Variants in RERE observed in about 807,000 individuals in gnomAD.
RERE encodes the protein arginine-glutamic acid dipeptide repeats protein.
A neutral mutation model predicts 146.1 loss-of-function variants in RERE; 40 were observed. The ratio of observed to expected loss-of-function variants is 0.27; its 90% CI spans 0.21 to 0.36. The LOEUF is 0.36. Ranked by LOEUF, RERE falls within the 10% of genes least tolerant of loss-of-function variation. The probability of loss-of-function intolerance (pLI) is 1.00; values close to 1 mark genes in which losing one functional copy is unlikely to be tolerated. For synonymous variants in RERE, 1,003 were observed against 866.0 expected, an observed-to-expected ratio of 1.16 and a Z score of -2.78; for missense variants, 1,933 against 2,138.7, an observed-to-expected ratio of 0.90 and a Z score of 1.90.
chr1:8,744,517 G>A (rs1351376820), intron 1 of RERE, among the ~76,000 whole-genome samples: 1 of 152,176 alleles, frequency 6.6e-6, no homozygotes, highest in Non-Finnish European at 1.5e-5. Flanking sequence ...CAATGTAACT[G>A]ATGGGTACAT....
chr1:8,355,250 C>G (rs2124351945), intron 22 of RERE, 130 bp from the exon 23 acceptor site: 1 of 1,168,734 alleles, frequency 8.6e-7, no homozygotes, highest in African/African-American at 1.5e-5. Flanking sequence ...TGTAGCTGAC[C>G]TACCCTCCCA....
intron 4 of RERE, among the ~76,000 whole-genome samples, chr1:8,561,852 C>A (rs1451699554): frequency 6.6e-6 from 1 of 152,196 alleles, no homozygotes; most frequent in Non-Finnish European, 1.5e-5. Context: ...CTACTACTCA[C>A]TAGTTGAAGA....
At chr1:8,383,721 TG>T in intron 12 of RERE, among the ~76,000 whole-genome samples, 1 of 152,104 alleles carries the variant, frequency 6.6e-6, no homozygotes, top group African/African-American at 2.4e-5. Context: ...TAGCCGGGTG[TG>T]GTGGCACGCA....
chr1:8,630,027 G>A (rs1463287054), intron 2 of RERE, among the ~76,000 whole-genome samples: 2 of 152,132 alleles, frequency 1.3e-5, no homozygotes, highest in African/African-American at 4.8e-5. Context: ...TCCTCTACAT[G>A]ACTCCTCCAC....
At chr1:8,812,911 A>T (rs1386841468) in intron 1 of RERE, among the ~76,000 whole-genome samples, 3 of 152,130 alleles carry the variant, frequency 2.0e-5, no homozygotes, top group African/African-American at 7.2e-5. Context: ...GTTCTAACAC[A>T]TATTTAAAAT....
At chr1:8,522,611 C>T (rs1044184567) in intron 7 of RERE, among the ~76,000 whole-genome samples, 3 of 152,116 alleles carry the variant, frequency 2.0e-5, no homozygotes, top group Non-Finnish European at 4.4e-5. Context: ...GCGGCTCACA[C>T]CTATAATCCC....
chr1:8,801,647 A>G (rs1007581000), intron 1 of RERE, among the ~76,000 whole-genome samples: 2 of 152,260 alleles, frequency 1.3e-5, no homozygotes, highest in African/African-American at 4.8e-5. Context: ...ATAAAATTTC[A>G]TAATATCCAG....
At chr1:8,705,021 C>G (rs1364641025) in intron 1 of RERE, among the ~76,000 whole-genome samples, 1 of 152,204 alleles carries the variant, frequency 6.6e-6, no homozygotes, top group Non-Finnish European at 1.5e-5. Flanking sequence ...GATCCTAAAG[C>G]CTTGCTACAA....
At chr1:8,378,475 G>T (rs578127991) in intron 12 of RERE, among the ~76,000 whole-genome samples, 43 of 152,306 alleles carry the variant, frequency 2.8e-4, no homozygotes, top group Admixed American at 5.9e-4. Flanking sequence ...TTTATTTGGA[G>T]ACAGGCTCTT....
At chr1:8,511,178 G>A (rs538285615) in intron 7 of RERE, among the ~76,000 whole-genome samples, 4 of 152,112 alleles carry the variant, frequency 2.6e-5, no homozygotes, top group South Asian at 2.1e-4. Context: ...TATATCTCAC[G>A]TATTTCCATA....
At position 8,354,497 on chromosome 1, in the gene RERE, T is replaced by G. The variant is rs982304676; in HGVS notation, c.*590A>C. ...CAATTAGTGACATGGCTGGAAAAAATAGATCACAATAGTAGTTTATGGAAG... is the reference window on the plus strand; with the variant it reads ...CAATTAGTGACATGGCTGGAAAAAAGAGATCACAATAGTAGTTTATGGAAG... On this transcript the variant is annotated 3_prime_UTR_variant, in exon 23 of 23. Transcript: ENST00000400908. 1 of 152,120 alleles carries G rather than the reference T, an allele frequency of 6.6e-6. No individual in the cohort carries two copies. The highest frequency in any genetic ancestry group is 6.6e-5 in the Admixed American group (1 of 15,266). 9.4% of individuals were successfully genotyped at this position (152,120 alleles called of 1,614,324 possible). A position where few individuals can be genotyped will look rare whatever the true frequency, so the allele number is the denominator to read the frequency against.
At chr1:8,518,461 ATTAAG>A (rs1024846109) in intron 7 of RERE, among the ~76,000 whole-genome samples, 1 of 152,206 alleles carries the variant, frequency 6.6e-6, no homozygotes, top group Non-Finnish European at 1.5e-5. Flanking sequence ...TCCACAGGGT[ATTAAG>A]TTGAGCAGGA....
At chr1:8,602,737 G>A (rs763729770) in intron 4 of RERE, among the ~76,000 whole-genome samples, 1 of 152,056 alleles carries the variant, frequency 6.6e-6, no homozygotes, top group Non-Finnish European at 1.5e-5. Flanking sequence ...GGCTAGTATT[G>A]GCCAATCTTT....
At chr1:8,508,703 T>C (rs1645289425) in intron 7 of RERE, 28 bp from the exon 8 acceptor site, 1 of 1,579,652 alleles carries the variant, frequency 6.3e-7, no homozygotes, top group Non-Finnish European at 8.7e-7. Context: ...CAGATTAAGT[T>C]AGCGCAATAC....
intron 1 of RERE, among the ~76,000 whole-genome samples, chr1:8,732,866 G>A (rs1026989326): frequency 6.0e-5 from 8 of 133,360 alleles, no homozygotes; most frequent in Non-Finnish European, 1.1e-4. Flanking sequence ...CTGTCACCCA[G>A]GCTGGAGTGC....
At chr1:8,621,504 A>G (rs1646915517) in intron 3 of RERE, among the ~76,000 whole-genome samples, 3 of 152,236 alleles carry the variant, frequency 2.0e-5, no homozygotes, top group South Asian at 2.1e-4. Context: ...GCATTCACCC[A>G]GTTACTTTTA....
intron 1 of RERE, among the ~76,000 whole-genome samples, chr1:8,700,888 A>G (rs1639431869): frequency 6.6e-6 from 1 of 152,188 alleles, no homozygotes; most frequent in Non-Finnish European, 1.5e-5. Context: ...ATACCTACTA[A>G]TAAGTTACAT....
At chr1:8,650,305 A>C (rs1647548868) in intron 2 of RERE, among the ~76,000 whole-genome samples, 1 of 152,372 alleles carries the variant, frequency 6.6e-6, no homozygotes, top group Non-Finnish European at 1.5e-5. Context: ...GCCTACCTTT[A>C]TCCTCAAAGT....
intron 7 of RERE, among the ~76,000 whole-genome samples, chr1:8,521,864 G>A (rs1645505723): frequency 6.6e-6 from 1 of 152,118 alleles, no homozygotes; most frequent in African/African-American, 2.4e-5. Context: ...TACTAGAAAT[G>A]GAGACCGTAA....
Sources: gnomAD v4.1 joint callset for allele counts (sites outside exome capture counted in the v4.1 genomes callset) on GRCh38, gnomAD v4.1.1 for gene constraint, MANE v1.5 for transcripts, NCBI Gene and HGNC (gene_info 2026-07-23, HGNC 2026-07-21) for gene names.